Variants in ACSS3 observed in about 807,000 individuals in gnomAD.
ACSS3 encodes the protein acyl-CoA synthetase short-chain family member 3, mitochondrial.
A neutral mutation model predicts 84.2 loss-of-function variants in ACSS3; 64 were observed. The observed-to-expected ratio is 0.76, with a 90% CI of 0.62 to 0.94. ACSS3 has a LOEUF of 0.94. ACSS3 is among the 40% of genes least tolerant of loss of function. ACSS3 has a pLI of 0.00. For missense variants in ACSS3, 815 were observed against 867.6 expected (o/e 0.94, Z 0.76); for synonymous variants, 317 against 310.1 (o/e 1.02, Z -0.23).
intron 8 of ACSS3, among the ~76,000 whole-genome samples, chr12:81,187,544 T>G (rs146830246): frequency 2.1e-3 from 312 of 151,982 alleles, no homozygotes; most frequent in African/African-American, 7.2e-3. Flanking sequence ...GAGTTGCATA[T>G]CAGCATTTCA....
intron 11 of ACSS3, among the ~76,000 whole-genome samples, chr12:81,224,103 A>T (rs1375605180): frequency 6.6e-6 from 1 of 151,912 alleles, no homozygotes; most frequent in Non-Finnish European, 1.5e-5. Flanking sequence ...TAATTGGATG[A>T]GTTGTACCAA....
chr12:81,114,061 A>C (rs183804450), intron 2 of ACSS3, among the ~76,000 whole-genome samples: 24 of 152,160 alleles, frequency 1.6e-4, no homozygotes, highest in Non-Finnish European at 3.1e-4. Flanking sequence ...TGTGTGTGGC[A>C]AGTGTGCTCT....
intron 9 of ACSS3, among the ~76,000 whole-genome samples, chr12:81,211,199 C>G (rs2032577973): frequency 6.6e-6 from 1 of 152,128 alleles, no homozygotes; most frequent in Non-Finnish European, 1.5e-5. Flanking sequence ...AGGCTGGTAT[C>G]AAACTTGTAG....
chr12:81,107,029 T>C (rs1363648603), intron 1 of ACSS3, among the ~76,000 whole-genome samples: 1 of 151,942 alleles, frequency 6.6e-6, no homozygotes, highest in African/African-American at 2.4e-5. Context: ...GAAATGAGTA[T>C]AATTTTAGAC....
intron 13 of ACSS3, 29 bp downstream of exon 13, chr12:81,233,500 A>T (rs1377963785): frequency 6.2e-7 from 1 of 1,608,620 alleles, no homozygotes; most frequent in Admixed American, 1.7e-5. Flanking sequence ...ATTCTATTCC[A>T]AGTAGTGCTT....
intron 7 of ACSS3, among the ~76,000 whole-genome samples, chr12:81,169,763 C>T (rs544847800): frequency 1.3e-5 from 2 of 152,070 alleles, no homozygotes; most frequent in Admixed American, 6.6e-5. Flanking sequence ...GCACTCATCC[C>T]TTGATAAAGA....
intron 13 of ACSS3, among the ~76,000 whole-genome samples, chr12:81,250,100 G>A (rs761934888): frequency 9.9e-5 from 15 of 151,896 alleles, no homozygotes; most frequent in Non-Finnish European, 1.5e-4. Flanking sequence ...CAGATGCTTC[G>A]TAGATTTTAT....
upstream of ACSS3, chr12:81,077,991 G>T (rs934206406): frequency 1.7e-6 from 2 of 1,147,184 alleles, no homozygotes; most frequent in Non-Finnish European, 2.3e-6. Context: ...CTCTAGTGTG[G>T]CTTCCAAACT....
At chr12:81,131,861 C>CT (rs1280123008) in intron 2 of ACSS3, among the ~76,000 whole-genome samples, 6 of 152,056 alleles carry the variant, frequency 3.9e-5, no homozygotes, top group Non-Finnish European at 7.4e-5. Context: ...TGTCAAAGGC[C>CT]TTTTTTGCAT....
rs1307138595 is a variant in ACSS3 at position 81,107,503 on chromosome 12, A to AATATAT, written c.312-2055_312-2050dup. Among the ~76,000 whole-genome samples the AATATAT allele has an allele frequency of 3.0e-3, 177 of 59,564 alleles. 30 individuals carry two copies. The highest frequency in any genetic ancestry group is 3.9e-3 in the Non-Finnish European group (117 of 30,348). 39.1% of individuals were successfully genotyped at this position (59,564 alleles called of 152,430 possible). On this transcript the variant is annotated intron_variant, in intron 1 of 15. Coordinates refer to ENST00000548058, the MANE Select transcript of ACSS3 (RefSeq NM_024560.4). ...AGAAATGTTTTTTTTTTCAGGTACA[A>AATATAT]ATATATACATATATATATATATATA...
chr12:81,199,784 C>A, intron 9 of ACSS3: 1 of 845,098 alleles, frequency 1.2e-6, no homozygotes, highest in Non-Finnish European at 1.7e-6. Flanking sequence ...TTCCCCTTGC[C>A]TTTGAGCTCT....
chr12:81,259,416 G>T lies in ACSS3; in HGVS notation c.*4494G>T, dbSNP rs1424732473. On this transcript the variant is annotated 3_prime_UTR_variant, in exon 16 of 16. Coordinates refer to ENST00000548058, the MANE Select transcript of ACSS3 (RefSeq NM_024560.4). ...AAACAACTGGCTTCATTTCATAAAA[G>T]CATCTGTTGTACAGAGTTTATGATG... 1.8e-5 allele frequency: 12 copies of T among 656,970 alleles called. No homozygotes were observed. In the Admixed American group the frequency reaches 2.5e-4, roughly 14 times the overall value. The allele number at this position is 656,970 out of a possible 1,614,324, so 40.7% of individuals were successfully genotyped here.
At chr12:81,194,084 T>A (rs1032029275) in intron 8 of ACSS3, among the ~76,000 whole-genome samples, 1 of 151,714 alleles carries the variant, frequency 6.6e-6, no homozygotes, top group African/African-American at 2.4e-5. Flanking sequence ...ATTTTTTTTT[T>A]ATAAACCACT....
intron 1 of ACSS3, among the ~76,000 whole-genome samples, chr12:81,087,554 T>G (rs567130468): frequency 7.2e-5 from 11 of 152,222 alleles, no homozygotes; most frequent in African/African-American, 2.2e-4. Flanking sequence ...AATTAGTCAC[T>G]CCGTATTATT....
chr12:81,174,943 A>G lies in ACSS3; in HGVS notation c.1250+4A>G. The G allele has an allele frequency of 1.2e-6, 2 of 1,613,234 alleles. No homozygotes were observed. The highest frequency in any genetic ancestry group is 2.2e-5 in the South Asian group (2 of 90,980). On this transcript the variant is annotated splice_donor_region_variant and intron_variant, in intron 8 of 15. Transcript: ENST00000548058. ...GGAAGCAGTACTCTCTGACAAGGTG[A>G]CGTTGGGATGCACAGGGCAAATGAC...
At chr12:81,118,179 A>G (rs1884214401) in intron 2 of ACSS3, 1 of 152,054 alleles carries the variant, frequency 6.6e-6, no homozygotes, top group African/African-American at 2.4e-5. Flanking sequence ...CCCCCCCTCC[A>G]CTCAAATTTT....
At position 81,139,274 on chromosome 12, in the gene ACSS3, A is replaced by T; in HGVS notation, c.780+9A>T. The stretch of plus-strand genomic sequence containing the variant: ...ATAATCGTCCAAATATGGTAATCTG[A>T]ATATTGAATTTGGTTCTTGCTTATG... On this transcript the variant is annotated intron_variant, in intron 4 of 15. Coordinates refer to ENST00000548058, the MANE Select transcript of ACSS3 (RefSeq NM_024560.4). 1 of 1,613,428 alleles carries T rather than the reference A, an allele frequency of 6.2e-7. No individual in the cohort carries two copies. Among genetic ancestry groups the T allele is most frequent in the Non-Finnish European group, 8.5e-7 (1 of 1,179,634 alleles).
In ACSS3 at chr12:81,098,129, TGA is replaced by T. The variant is rs769661021; in HGVS notation, c.312-11409_312-11408del. On this transcript the variant is annotated intron_variant, in intron 1 of 15. Coordinates refer to ENST00000548058, the MANE Select transcript of ACSS3 (RefSeq NM_024560.4). ...TTGGCATATCTAAATGGTCCCAGTATGAGAGAGAGAGAGAGAGAGAGAGTGTG... is the reference window on the plus strand; with the variant it reads ...TTGGCATATCTAAATGGTCCCAGTATGAGAGAGAGAGAGAGAGAGAGTGTG... Among the ~76,000 whole-genome samples the T allele has an allele frequency of 8.8e-3, 1,195 of 135,114 alleles. 13 individuals are homozygous for T. The highest frequency in any genetic ancestry group is 0.029 in the African/African-American group (1,025 of 35,598). The allele number at this position is 135,114 out of a possible 152,430, so 88.6% of individuals were successfully genotyped here. A position where few individuals can be genotyped will look rare whatever the true frequency, so the allele number is the denominator to read the frequency against.
intron 3 of ACSS3, among the ~76,000 whole-genome samples, chr12:81,138,761 A>G (rs191591091): frequency 2.6e-5 from 4 of 152,332 alleles, no homozygotes; most frequent in Admixed American, 1.3e-4. Context: ...AAATGCTACT[A>G]CAACCTCAGC....
Sources: allele counts gnomAD v4.1 joint callset (sites outside exome capture counted in the v4.1 genomes callset), GRCh38; gene constraint gnomAD v4.1.1; transcripts MANE v1.5; gene names NCBI Gene and HGNC (gene_info 2026-07-23, HGNC 2026-07-21).